PAX5: variants seen among roughly 807,000 people sequenced by gnomAD.
PAX5 encodes paired box protein Pax-5.
A neutral mutation model predicts 43.7 loss-of-function variants in PAX5; 9 were observed. That is an observed-to-expected ratio of 0.21 (90% CI 0.12 to 0.36). The LOEUF is 0.36. PAX5 is among the 10% of genes least tolerant of loss of function. The pLI is 1.00. For synonymous variants in PAX5, 228 were observed against 214.3 expected, an observed-to-expected ratio of 1.06 and a Z score of -0.56; for missense variants, 383 against 532.7, an observed-to-expected ratio of 0.72 and a Z score of 2.77.
chr9:37,006,679 A>T (rs1564069660), intron 3 of PAX5, 142 bp from the exon 4 acceptor site: 1 of 691,474 alleles, frequency 1.4e-6, no homozygotes, highest in South Asian at 1.8e-5. Flanking sequence ...AGGTGGAGGG[A>T]GATTATAAAC....
chr9:36,965,461 G>C (rs118090979), intron 6 of PAX5, among the ~76,000 whole-genome samples: 2 of 152,232 alleles, frequency 1.3e-5, no homozygotes, highest in African/African-American at 2.4e-5. Context: ...AGGTCTGTAA[G>C]AGCTCTCATA....
chr9:36,994,439 C>T (rs558710323), intron 5 of PAX5, among the ~76,000 whole-genome samples: 8 of 152,336 alleles, frequency 5.3e-5, no homozygotes, highest in South Asian at 2.1e-4. Context: ...TTCTTGCCTC[C>T]GCTACCCTAC....
At chr9:36,951,594 G>A (rs1184377021) in intron 6 of PAX5, among the ~76,000 whole-genome samples, 1 of 152,114 alleles carries the variant, frequency 6.6e-6, no homozygotes, top group Non-Finnish European at 1.5e-5. Flanking sequence ...CAAACTTTCA[G>A]TACCATTTTG....
At chr9:36,987,271 T>C (rs1008507287) in intron 5 of PAX5, among the ~76,000 whole-genome samples, 6 of 152,334 alleles carry the variant, frequency 3.9e-5, no homozygotes, top group African/African-American at 1.4e-4. Flanking sequence ...GTTTTGCCTC[T>C]GTTATGGAAT....
At chr9:36,970,819 T>C (rs1288539420) in intron 5 of PAX5, among the ~76,000 whole-genome samples, 3 of 152,166 alleles carry the variant, frequency 2.0e-5, no homozygotes, top group East Asian at 1.9e-4. Flanking sequence ...CTCCCATTCT[T>C]AGGGCTCTGA....
At chr9:36,979,532 T>C (rs1835735252) in intron 5 of PAX5, among the ~76,000 whole-genome samples, 1 of 152,216 alleles carries the variant, frequency 6.6e-6, no homozygotes, top group Non-Finnish European at 1.5e-5. Flanking sequence ...TCCTGTGGCA[T>C]ATGAAACATT....
chr9:36,934,751 T>G (rs888052019), intron 6 of PAX5, among the ~76,000 whole-genome samples: 15 of 152,184 alleles, frequency 9.9e-5, no homozygotes, highest in African/African-American at 3.6e-4. Context: ...CACTTATTAT[T>G]CTGCATTATA....
At position 36,839,023 on chromosome 9, in the gene PAX5, A is replaced by T; in HGVS notation, c.*1537T>A. On this transcript the variant is annotated 3_prime_UTR_variant, in exon 10 of 10. Transcript: ENST00000358127. ...AAGCCCCCTCTCATCACTGTCATTCAGCCCAGGTTTGGACAAGGGCTCTAC... is the reference window on the plus strand; with the variant it reads ...AAGCCCCCTCTCATCACTGTCATTCTGCCCAGGTTTGGACAAGGGCTCTAC... 1 of 233,330 alleles carries T rather than the reference A, an allele frequency of 4.3e-6. No individual in the cohort carries two copies. Among genetic ancestry groups the T allele is most frequent in the Non-Finnish European group, 8.5e-6 (1 of 118,072 alleles). 14.5% of individuals were successfully genotyped at this position (233,330 alleles called of 1,614,324 possible). A position where few individuals can be genotyped will look rare whatever the true frequency, so the allele number is the denominator to read the frequency against.
chr9:36,867,915 G>T (rs1825057493), intron 8 of PAX5, among the ~76,000 whole-genome samples: 1 of 152,268 alleles, frequency 6.6e-6, no homozygotes, highest in East Asian at 1.9e-4. Flanking sequence ...GGGCTTCGCG[G>T]GTCCCATTAA....
At position 36,994,123 on chromosome 9, in the gene PAX5, G is replaced by A. The variant is rs1837185910; in HGVS notation, c.604+8525C>T. Among the ~76,000 whole-genome samples, 12 of 152,284 alleles carry A rather than the reference G, an allele frequency of 7.9e-5. 1 individual carries two copies. In the South Asian group the frequency reaches 2.3e-3, roughly 29 times the overall value. On this transcript the variant is annotated intron_variant, in intron 5 of 9. Coordinates refer to ENST00000358127, the MANE Select transcript of PAX5 (RefSeq NM_016734.3). Reference sequence around the variant, plus strand: ...GACAGGCCCTGGGCACTAGGGAAAGGCCCCAGGAGCCCCTCCAATTGGCCA... The same window carrying A: ...GACAGGCCCTGGGCACTAGGGAAAGACCCCAGGAGCCCCTCCAATTGGCCA...
At chr9:36,894,758 A>T (rs1371817348) in intron 7 of PAX5, among the ~76,000 whole-genome samples, 1 of 152,212 alleles carries the variant, frequency 6.6e-6, no homozygotes, top group Non-Finnish European at 1.5e-5. Context: ...CCTGCGCTCC[A>T]CAGCCACCCT....
intron 5 of PAX5, 33 bp from the exon 6 acceptor site, chr9:36,966,757 G>A (rs763783221): frequency 2.5e-6 from 4 of 1,601,700 alleles, no homozygotes; most frequent in Non-Finnish European, 3.4e-6. Context: ...AGGGTGAGTG[G>A]AGGTTATACA....
At chr9:36,975,660 C>T (rs144802866) in intron 5 of PAX5, among the ~76,000 whole-genome samples, 2,001 of 152,298 alleles carry the variant, frequency 0.013, 16 homozygotes, top group Non-Finnish European at 0.022. Flanking sequence ...GCTGGGATTA[C>T]GGGTGTGAGC....
chr9:37,007,296 T>C (rs998667826), intron 3 of PAX5, among the ~76,000 whole-genome samples: 3 of 152,186 alleles, frequency 2.0e-5, no homozygotes, highest in African/African-American at 7.2e-5. Context: ...TCCGATACAA[T>C]GACGGAGTTG....
intron 5 of PAX5, among the ~76,000 whole-genome samples, chr9:36,988,662 CAAAAAAA>C (rs139552622): frequency 4.8e-5 from 5 of 103,534 alleles, no homozygotes; most frequent in Non-Finnish European, 9.9e-5. Context: ...GACCCTGTCT[CAAAAAAA>C]AAAAAAAAAA....
chr9:36,893,038 A>AT (rs1827537825), intron 7 of PAX5, among the ~76,000 whole-genome samples: 1 of 152,010 alleles, frequency 6.6e-6, no homozygotes, highest in African/African-American at 2.4e-5. Context: ...TTTATTTTTC[A>AT]TTTTCTATTT....
At chr9:36,904,300 C>T (rs1298754730) in intron 7 of PAX5, among the ~76,000 whole-genome samples, 2 of 152,154 alleles carry the variant, frequency 1.3e-5, no homozygotes, top group Non-Finnish European at 2.9e-5. Context: ...CCCTATCCTA[C>T]ACACCAGCCC....
chr9:36,907,204 A>G (rs1828900131), intron 7 of PAX5, among the ~76,000 whole-genome samples: 1 of 152,248 alleles, frequency 6.6e-6, no homozygotes. Context: ...TGTGTTTTAA[A>G]GAGTAGAAGA....
intron 8 of PAX5, among the ~76,000 whole-genome samples, chr9:36,878,272 T>G (rs1331720807): frequency 6.6e-6 from 1 of 152,194 alleles, no homozygotes; most frequent in African/African-American, 2.4e-5. Flanking sequence ...CTCCCTCCCT[T>G]AGCCAACATT....
Sources: gnomAD v4.1 joint callset for allele counts (sites outside exome capture counted in the v4.1 genomes callset) on GRCh38, gnomAD v4.1.1 for gene constraint, MANE v1.5 for transcripts, NCBI Gene and HGNC (gene_info 2026-07-23, HGNC 2026-07-21) for gene names.